Variants in CTNND2 observed in about 807,000 individuals in gnomAD.
CTNND2 encodes catenin delta 2, also known as catenin delta-2.
CTNND2 carries 22 observed loss-of-function variants against 144.4 expected under a neutral mutation model. That is an observed-to-expected ratio of 0.15 (90% CI 0.11 to 0.22). The LOEUF (loss-of-function observed/expected upper bound fraction) is 0.22, where lower values mean the gene tolerates loss of function less well. Among genes scored for constraint, CTNND2 ranks in the 10% least tolerant of loss-of-function variants. CTNND2 has a pLI of 1.00. For missense variants in CTNND2, 1,353 were observed against 1,618.8 expected (o/e 0.84, Z 2.82); for synonymous variants, 751 against 695.6 (o/e 1.08, Z -1.25).
At position 11,385,216 on chromosome 5, in the gene CTNND2, C is replaced by A. The variant is rs1335247439; in HGVS notation, c.626G>T (p.Arg209Leu). 2.6e-5 allele frequency: 27 copies of A among 1,055,616 alleles called. No homozygotes were observed. Among genetic ancestry groups the A allele is most frequent in the Non-Finnish European group, 3.1e-5 (27 of 876,826 alleles). 65.4% of individuals were successfully genotyped at this position (1,055,616 alleles called of 1,614,324 possible). A position where few individuals can be genotyped will look rare whatever the true frequency, so the allele number is the denominator to read the frequency against. Residue 209 changes from arginine (R) to leucine (L), a missense_variant, in exon 7 of 22, where the codon CGC becomes CTC. Physicochemically the swap from Arg to Leu is moderately radical, Grantham distance 102. This residue lies in a region of CTNND2 where 708 missense variants were observed against 706.4 expected (regional missense o/e 1.00). Transcript: ENST00000304623. Reference sequence around the variant, plus strand: ...CTCGGGCCCCGCCAGGTGGCCGGCGCGGCTGGTCGTGCCCTGTGCCCGGGA... The same window carrying A: ...CTCGGGCCCCGCCAGGTGGCCGGCGAGGCTGGTCGTGCCCTGTGCCCGGGA... ...GQSFSQGTTS[R>L]AGHLAGPEPA...
At chr5:11,771,463 AAAG>A (rs1417434077) in intron 1 of CTNND2, among the ~76,000 whole-genome samples, 2 of 127,192 alleles carry the variant, frequency 1.6e-5, no homozygotes, top group African/African-American at 5.6e-5. Flanking sequence ...TAAGGAACAT[AAAG>A]AAGAATAGAG....
chr5:11,551,280 C>G (rs1251001685), intron 3 of CTNND2, among the ~76,000 whole-genome samples: 1 of 152,038 alleles, frequency 6.6e-6, no homozygotes, highest in Non-Finnish European at 1.5e-5. Flanking sequence ...CTGAGCAATG[C>G]CTTTACCCCA....
chr5:11,418,147 C>T (rs1762064692), intron 3 of CTNND2, among the ~76,000 whole-genome samples: 1 of 152,028 alleles, frequency 6.6e-6, no homozygotes, highest in Admixed American at 6.6e-5. Context: ...TGGCTCACTC[C>T]TATAATCCCA....
rs182910151 is a variant in CTNND2 at position 11,328,470 on chromosome 5, T to C, written c.1628+17902A>G. Among the ~76,000 whole-genome samples, 46 of 152,032 alleles carry C rather than the reference T, an allele frequency of 3.0e-4. No individual in the cohort carries two copies. In the East Asian group the frequency reaches 8.7e-3, roughly 29 times the overall value. ...CACCAGACCTTTTTTTTTGTTGTTG[T>C]TTTTTGTATTTTTTGTAGAGATGGG... On this transcript the variant is annotated intron_variant, in intron 9 of 21. Coordinates refer to ENST00000304623, the MANE Select transcript of CTNND2 (RefSeq NM_001332.4).
chr5:11,778,257 T>C (rs537697485), intron 1 of CTNND2, among the ~76,000 whole-genome samples: 1 of 152,116 alleles, frequency 6.6e-6, no homozygotes, highest in Admixed American at 6.5e-5. Context: ...AAAATGCACA[T>C]CATGTCTGAC....
chr5:11,087,276 T>C (rs1225602203), intron 15 of CTNND2, among the ~76,000 whole-genome samples: 1 of 152,208 alleles, frequency 6.6e-6, no homozygotes, highest in Non-Finnish European at 1.5e-5. Context: ...GACAAGAGGG[T>C]AGGAAACACC....
intron 18 of CTNND2, among the ~76,000 whole-genome samples, chr5:10,997,117 G>C (rs1439452025): frequency 6.6e-6 from 1 of 152,080 alleles, no homozygotes; most frequent in African/African-American, 2.4e-5. Flanking sequence ...GGAAGGGTGG[G>C]GGTGGTAGGT....
At chr5:11,021,619 C>A (rs1742264933) in intron 17 of CTNND2, among the ~76,000 whole-genome samples, 1 of 152,124 alleles carries the variant, frequency 6.6e-6, no homozygotes, top group Non-Finnish European at 1.5e-5. Context: ...CATTCAAATC[C>A]AAATGCAAAA....
intron 3 of CTNND2, among the ~76,000 whole-genome samples, chr5:11,495,843 C>T (rs151175547): frequency 1.3e-5 from 2 of 152,250 alleles, no homozygotes; most frequent in African/African-American, 4.8e-5. Flanking sequence ...GACACCTAGG[C>T]CCAATTTCCC....
chr5:11,142,887 C>G (rs940255635), intron 12 of CTNND2, among the ~76,000 whole-genome samples: 17 of 152,234 alleles, frequency 1.1e-4, no homozygotes, highest in African/African-American at 4.1e-4. Flanking sequence ...GCTGGGATTA[C>G]AAAATTTAAA....
intron 9 of CTNND2, among the ~76,000 whole-genome samples, chr5:11,342,362 C>T (rs1754364573): frequency 6.6e-6 from 1 of 152,148 alleles, no homozygotes; most frequent in South Asian, 2.1e-4. Flanking sequence ...CGGAACAAAT[C>T]CATGGAGTGA....
At chr5:11,713,944 G>A (rs1476248319) in intron 2 of CTNND2, among the ~76,000 whole-genome samples, 2 of 152,098 alleles carry the variant, frequency 1.3e-5, no homozygotes, top group Non-Finnish European at 2.9e-5. Context: ...CAGGGGGGCG[G>A]GACTCTGAGG....
At chr5:11,009,883 T>TATG (rs10524983) in intron 18 of CTNND2, among the ~76,000 whole-genome samples, 117,839 of 151,930 alleles carry the variant, frequency 0.78, 45,953 homozygotes, top group African/African-American at 0.85. Context: ...ACAGATATCA[T>TATG]ATGAGTGTCT....
At chr5:11,729,581 C>T (rs749612240) in intron 2 of CTNND2, among the ~76,000 whole-genome samples, 21 of 152,110 alleles carry the variant, frequency 1.4e-4, no homozygotes, top group Non-Finnish European at 2.8e-4. Flanking sequence ...AAGAATATAA[C>T]ATTTTCAACT....
At chr5:11,404,373 T>A (rs556828361) in intron 5 of CTNND2, among the ~76,000 whole-genome samples, 1 of 152,224 alleles carries the variant, frequency 6.6e-6, no homozygotes, top group African/African-American at 2.4e-5. Context: ...TTGAAAAGGT[T>A]GATTTTGGCC....
intron 1 of CTNND2, among the ~76,000 whole-genome samples, chr5:11,856,486 A>G (rs1162608074): frequency 6.6e-6 from 1 of 152,198 alleles, no homozygotes; most frequent in Non-Finnish European, 1.5e-5. Flanking sequence ...ATGATAGTTT[A>G]GTATCAATCT....
Position 10,988,018 on chromosome 5 carries a change from C to T in CTNND2, c.3343+93G>A, listed in dbSNP as rs1454745896. 1.3e-6 allele frequency: 2 copies of T among 1,538,778 alleles called. No individual in the cohort carries two copies. The highest frequency in any genetic ancestry group is 2.7e-5 in the African/African-American group (2 of 73,490). ...CTAAGTCCTGCTCAGCAGCCAAGCG[C>T]AGCCAGCCCCGTGAAGCCTGATGTC... On this transcript the variant is annotated intron_variant, in intron 20 of 21. Coordinates refer to ENST00000304623, the MANE Select transcript of CTNND2 (RefSeq NM_001332.4). This position sits in a 1 kb window ranked among gnomAD's most constrained non-coding sequence, Gnocchi z 5.9.
In CTNND2 at chr5:11,903,706, C is replaced by G. The variant is rs1738093215; in HGVS notation, c.37+111G>C. On this transcript the variant is annotated intron_variant, in intron 1 of 21. Coordinates refer to ENST00000304623, the MANE Select transcript of CTNND2 (RefSeq NM_001332.4). This position sits in a 1 kb window ranked among gnomAD's most constrained non-coding sequence, Gnocchi z 5.4. ...GGCAGAAACCCCGCAGCAGCCGCCG[C>G]CGCCGCCTGCCGGCCGGGAGCCCAG... The G allele has an allele frequency of 3.5e-6, 4 of 1,148,050 alleles. No homozygotes were observed. Among genetic ancestry groups the G allele is most frequent in the Non-Finnish European group, 4.6e-6 (4 of 871,552 alleles). 71.1% of individuals were successfully genotyped at this position (1,148,050 alleles called of 1,614,324 possible). A position where few individuals can be genotyped will look rare whatever the true frequency, so the allele number is the denominator to read the frequency against.
intron 1 of CTNND2, among the ~76,000 whole-genome samples, chr5:11,794,747 C>A (rs756552499): frequency 1.3e-5 from 2 of 152,090 alleles, no homozygotes; most frequent in Non-Finnish European, 2.9e-5. Flanking sequence ...TATGAGTGAT[C>A]GACAGGATAT....
Sources: gnomAD v4.1 joint callset for allele counts (sites outside exome capture counted in the v4.1 genomes callset) on GRCh38, gnomAD v4.1.1 for gene constraint, gnomAD v4.1.1 regional missense constraint, Gnocchi (gnomAD v3.1) non-coding constraint, MANE v1.5 for transcripts, NCBI Gene and HGNC (gene_info 2026-07-23, HGNC 2026-07-21) for gene names.